The following VTCN1 variants were observed in gnomAD, a reference collection of about 807,000 sequenced individuals.
VTCN1 encodes V-set domain containing T cell activation inhibitor 1.
VTCN1 carries 26 observed loss-of-function variants against 26.5 expected under a neutral mutation model. The observed-to-expected ratio is 0.98, with a 90% CI of 0.72 to 1.36. VTCN1 has a LOEUF of 1.36. VTCN1 is among the 40% of genes most tolerant of loss of function. The pLI is 0.00. For missense variants in VTCN1, 298 were observed against 337.7 expected (o/e 0.88, Z 0.92); for synonymous variants, 116 against 130.7 (o/e 0.89, Z 0.77).
chr1:117,171,031 G>A (rs2101522392), intron 1 of VTCN1, among the ~76,000 whole-genome samples: 1 of 150,126 alleles, frequency 6.7e-6, no homozygotes, highest in Middle Eastern at 3.4e-3. Context: ...AGGCCCCAGT[G>A]TGTGATGTTC....
At position 117,155,721 on chromosome 1, in the gene VTCN1, C is replaced by T. The variant is rs139322580; in HGVS notation, c.445+853G>A. On this transcript the variant is annotated intron_variant, in intron 3 of 5. Coordinates refer to ENST00000369458, the MANE Select transcript of VTCN1 (RefSeq NM_024626.4). The surrounding 1 kb of genome is among the most constrained non-coding windows in gnomAD (Gnocchi z 4.8). The stretch of plus-strand genomic sequence containing the variant: ...TTGCATATGCATGTTATGAGGTGTG[C>T]AAGAAAGACCTGTGCATACTAGTTT... 3.7e-4 allele frequency among the ~76,000 whole-genome samples: 57 copies of T among 152,202 alleles called. No homozygotes were observed. The highest frequency in any genetic ancestry group is 7.8e-4 in the Admixed American group (12 of 15,294).
In VTCN1 at chr1:117,165,202, T is replaced by G. The variant is rs188704005; in HGVS notation, c.97+4905A>C. On this transcript the variant is annotated intron_variant, in intron 2 of 5. Coordinates refer to ENST00000369458, the MANE Select transcript of VTCN1 (RefSeq NM_024626.4). ...GGCTTGAAATACAGCCATGCTCACT[T>G]GCTGACTGTTGTGTGTCCTTCCACA... is the stretch of plus-strand genomic sequence containing the variant. Among the ~76,000 whole-genome samples the G allele has an allele frequency of 3.5e-3, 527 of 152,344 alleles. 3 individuals carry two copies. Among genetic ancestry groups the G allele is most frequent in the African/African-American group, 0.012 (511 of 41,570 alleles).
intron 1 of VTCN1, among the ~76,000 whole-genome samples, chr1:117,186,454 A>T (rs1647950974): frequency 6.6e-6 from 1 of 152,236 alleles, no homozygotes; most frequent in Non-Finnish European, 1.5e-5. Context: ...AGCTTCCTCC[A>T]TGCCTGCCTC....
intron 2 of VTCN1, among the ~76,000 whole-genome samples, chr1:117,158,263 C>G (rs1652188807): frequency 6.6e-6 from 1 of 152,204 alleles, no homozygotes; most frequent in Admixed American, 6.5e-5. Flanking sequence ...ACTGCCCTAG[C>G]AGAAGTTCTC....
chr1:117,185,202 C>T (rs1243226432), intron 1 of VTCN1, among the ~76,000 whole-genome samples: 1 of 152,174 alleles, frequency 6.6e-6, no homozygotes, highest in Non-Finnish European at 1.5e-5. Flanking sequence ...TCCAAGTGGT[C>T]ACTTCAAGTC....
intron 1 of VTCN1, chr1:117,203,701 A>G: frequency 1.0e-6 from 1 of 985,432 alleles, no homozygotes; most frequent in Non-Finnish European, 1.2e-6. Flanking sequence ...AAGAATGTGG[A>G]ATGATAAATG....
intron 1 of VTCN1, among the ~76,000 whole-genome samples, chr1:117,204,161 A>G (rs1045761917): frequency 6.6e-5 from 10 of 152,198 alleles, no homozygotes; most frequent in Non-Finnish European, 8.8e-5. Context: ...GTTTTTCTGC[A>G]AAAACATCGG....
intron 4 of VTCN1, among the ~76,000 whole-genome samples, chr1:117,148,804 G>A (rs1651646906): frequency 6.6e-6 from 1 of 152,138 alleles, no homozygotes; most frequent in Non-Finnish European, 1.5e-5. Context: ...AATAGAGAAT[G>A]AGGCTTTGTA....
intron 2 of VTCN1, among the ~76,000 whole-genome samples, chr1:117,168,782 G>T (rs1166365577): frequency 1.3e-5 from 2 of 152,140 alleles, no homozygotes; most frequent in Admixed American, 1.3e-4. Flanking sequence ...TTAATGTAGA[G>T]ACAGGGTCTC....
chr1:117,147,980 G>A lies in VTCN1; in HGVS notation c.725-198C>T, dbSNP rs986740651. Among the ~76,000 whole-genome samples, 8 of 152,136 alleles carry A rather than the reference G, an allele frequency of 5.3e-5. No homozygotes were observed. The highest frequency in any genetic ancestry group is 8.8e-5 in the Non-Finnish European group (6 of 68,030). The stretch of plus-strand genomic sequence containing the variant: ...CTTTCTTCAAAGAAAATTCCATTCT[G>A]TGGTCCACTCCAGTGAACACTCAGC... On this transcript the variant is annotated intron_variant, in intron 4 of 5. Transcript: ENST00000369458. The surrounding 1 kb of genome is among the most constrained non-coding windows in gnomAD (Gnocchi z 4.6).
intron 1 of VTCN1, among the ~76,000 whole-genome samples, chr1:117,207,323 G>A (rs148206507): frequency 3.5e-4 from 53 of 152,218 alleles, no homozygotes; most frequent in African/African-American, 1.2e-3. Context: ...ATGAAACAGG[G>A]TAAAGGTTTA....
At chr1:117,206,623 G>A (rs905170408) in intron 1 of VTCN1, among the ~76,000 whole-genome samples, 25 of 151,884 alleles carry the variant, frequency 1.6e-4, no homozygotes, top group African/African-American at 3.1e-4. Flanking sequence ...AACCCTCAAG[G>A]AGCGAACCCT....
At chr1:117,163,607 T>A (rs1410278631) in intron 2 of VTCN1, among the ~76,000 whole-genome samples, 1 of 152,190 alleles carries the variant, frequency 6.6e-6, no homozygotes, top group Non-Finnish European at 1.5e-5. Context: ...CATTTATGGA[T>A]GAGGATAGAG....
intron 1 of VTCN1, among the ~76,000 whole-genome samples, chr1:117,205,144 TTA>T (rs144891643): frequency 3.7e-5 from 5 of 134,744 alleles, no homozygotes; most frequent in Admixed American, 7.8e-5. Context: ...ATATATATTT[TTA>T]TATATATATA....
In VTCN1 at chr1:117,204,019, A is replaced by G. The variant is rs116486100; in HGVS notation, c.32+6805T>C. 3.8e-3 allele frequency among the ~76,000 whole-genome samples: 580 copies of G among 152,294 alleles called. 3 individuals are homozygous for G. The highest frequency in any genetic ancestry group is 0.013 in the African/African-American group (547 of 41,540). ...CTTCAGGTGGCAGAGGATTTCCCGCACCTCACAGAACAAGGACTAGAAAGA... is the reference window on the plus strand; with the variant it reads ...CTTCAGGTGGCAGAGGATTTCCCGCGCCTCACAGAACAAGGACTAGAAAGA... On this transcript the variant is annotated intron_variant, in intron 1 of 5. Transcript: ENST00000369458.
chr1:117,173,319 A>C (rs1157271091), intron 1 of VTCN1: 1 of 596,596 alleles, frequency 1.7e-6, no homozygotes, highest in African/African-American at 1.9e-5. Flanking sequence ...TTCCTAATCC[A>C]ATATGGCTGG....
intron 4 of VTCN1, among the ~76,000 whole-genome samples, chr1:117,152,618 T>G (rs2101447502): frequency 6.6e-6 from 1 of 152,294 alleles, no homozygotes. Flanking sequence ...TCATGAGGGA[T>G]GAATAAAACT....
At position 117,169,314 on chromosome 1, in the gene VTCN1, C is replaced by T. The variant is rs969379374; in HGVS notation, c.97+793G>A. On this transcript the variant is annotated intron_variant, in intron 2 of 5. Transcript: ENST00000369458. The surrounding 1 kb of genome is among the most constrained non-coding windows in gnomAD (Gnocchi z 4.0). ...GTTCAGAAACTAACCATCTGTGCTA[C>T]AGCGGTATCTGTTTCCTACATGGTA... is the stretch of plus-strand genomic sequence containing the variant. Among the ~76,000 whole-genome samples the T allele has an allele frequency of 1.3e-5, 2 of 152,218 alleles. No individual in the cohort carries two copies. Among genetic ancestry groups the T allele is most frequent in the Non-Finnish European group, 2.9e-5 (2 of 68,046 alleles).
rs1040343403 is a variant in VTCN1 at position 117,177,366 on chromosome 1, A to G, written c.33-7195T>C. Among the ~76,000 whole-genome samples the G allele has an allele frequency of 7.9e-5, 12 of 151,856 alleles. No individual in the cohort carries two copies. The South Asian group carries it at 2.5e-3, about 32-fold the overall frequency. On this transcript the variant is annotated intron_variant, in intron 1 of 5. Coordinates refer to ENST00000369458, the MANE Select transcript of VTCN1 (RefSeq NM_024626.4). ...GTGTAGAGTATGTTTCCTGGCCTCTACCCCTCTCCCTGTATCTCTTTATAC... is the reference window on the plus strand; with the variant it reads ...GTGTAGAGTATGTTTCCTGGCCTCTGCCCCTCTCCCTGTATCTCTTTATAC...
Sources: allele counts gnomAD v4.1 joint callset (sites outside exome capture counted in the v4.1 genomes callset), GRCh38; gene constraint gnomAD v4.1.1; non-coding constraint Gnocchi (gnomAD v3.1); transcripts MANE v1.5; gene names NCBI Gene and HGNC (gene_info 2026-07-23, HGNC 2026-07-21).